The following RASGRF1 variants were observed in gnomAD, a reference collection of about 807,000 sequenced individuals.
RASGRF1 encodes the protein ras-specific guanine nucleotide-releasing factor 1.
Under a neutral mutation model 138.7 loss-of-function variants are expected in RASGRF1, and 40 were observed. The observed-to-expected ratio is 0.29, with a 90% CI of 0.22 to 0.38. RASGRF1 has a LOEUF of 0.38. RASGRF1 is among the 10% of genes least tolerant of loss of function. The pLI, the probability that RASGRF1 is intolerant of heterozygous loss-of-function variation, is 1.00. For missense variants in RASGRF1, 1,108 were observed against 1,650.4 expected (o/e 0.67, Z 5.69); for synonymous variants, 614 against 663.2 (o/e 0.93, Z 1.14).
intron 26 of RASGRF1, among the ~76,000 whole-genome samples, chr15:78,964,221 C>G (rs1417812413): frequency 1.3e-5 from 2 of 151,966 alleles, no homozygotes; most frequent in Non-Finnish European, 2.9e-5. Flanking sequence ...GTCACCCAGG[C>G]TGGAGTACAG....
intron 5 of RASGRF1, among the ~76,000 whole-genome samples, chr15:79,041,204 C>T (rs539644109): frequency 6.6e-6 from 1 of 152,304 alleles, no homozygotes; most frequent in Admixed American, 6.5e-5. Flanking sequence ...TATAGCCACA[C>T]TCATTTGTTT....
intron 1 of RASGRF1, among the ~76,000 whole-genome samples, chr15:79,067,646 T>G (rs1323931229): frequency 1.3e-5 from 2 of 152,194 alleles, no homozygotes; most frequent in Non-Finnish European, 2.9e-5. Context: ...CCCGACTGAC[T>G]TGTAGAAATT....
At chr15:79,005,867 C>T (rs2056660976) in intron 14 of RASGRF1, among the ~76,000 whole-genome samples, 1 of 151,976 alleles carries the variant, frequency 6.6e-6, no homozygotes, top group Non-Finnish European at 1.5e-5. Context: ...CCTTTGGTGA[C>T]GGTGGGACCC....
At chr15:78,979,151 C>T (rs994939396) in intron 24 of RASGRF1, 42 of 1,289,210 alleles carry the variant, frequency 3.3e-5, no homozygotes, top group Non-Finnish European at 3.8e-5. Flanking sequence ...CAGGGGCTCT[C>T]GGGAGCCCAG....
At chr15:78,976,972 G>T (rs1014605699) in intron 24 of RASGRF1, among the ~76,000 whole-genome samples, 1 of 152,230 alleles carries the variant, frequency 6.6e-6, no homozygotes, top group Non-Finnish European at 1.5e-5. Context: ...AGGCCTCGCT[G>T]TCGCACTCCC....
intron 5 of RASGRF1, among the ~76,000 whole-genome samples, chr15:79,041,331 G>T (rs1366234115): frequency 6.6e-6 from 1 of 152,222 alleles, no homozygotes; most frequent in Non-Finnish European, 1.5e-5. Context: ...CAATGCGAAT[G>T]GTGCTCCCAG....
intron 11 of RASGRF1, among the ~76,000 whole-genome samples, chr15:79,018,203 C>T (rs1045448263): frequency 1.4e-4 from 21 of 152,348 alleles, no homozygotes; most frequent in Admixed American, 7.2e-4. Flanking sequence ...GGTGAGGTCA[C>T]GGGCGAGGAC....
At chr15:79,019,323 G>C (rs139593443) in intron 11 of RASGRF1, among the ~76,000 whole-genome samples, 21 of 152,182 alleles carry the variant, frequency 1.4e-4, no homozygotes, top group Admixed American at 5.9e-4. Flanking sequence ...AATCAAGAGA[G>C]AGTAGTGATC....
chr15:78,977,745 C>T lies in RASGRF1; in HGVS notation c.3494+2875G>A, dbSNP rs568979396. Among the ~76,000 whole-genome samples the T allele has an allele frequency of 3.7e-4, 56 of 152,328 alleles. 1 individual carries two copies. The highest frequency in any genetic ancestry group is 1.3e-3 in the African/African-American group (53 of 41,564). ...CAGCCTACAATAACAGCCTGTCCCC[C>T]GTGTTCCTCTAAATCAAGGGCTTCC... is the stretch of plus-strand genomic sequence containing the variant. On this transcript the variant is annotated intron_variant, in intron 24 of 26. Transcript: ENST00000558480.
chr15:79,058,130 A>T (rs1468851897), intron 3 of RASGRF1, among the ~76,000 whole-genome samples: 1 of 152,200 alleles, frequency 6.6e-6, no homozygotes, highest in African/African-American at 2.4e-5. Flanking sequence ...GCAGTCAATA[A>T]GTGACAGAGG....
At position 78,960,393 on chromosome 15, in the gene RASGRF1, T is replaced by C. The variant is rs2055526451; in HGVS notation, c.*1751A>G. 1 of 152,342 alleles carries C rather than the reference T, an allele frequency of 6.6e-6. No individual in the cohort carries two copies. Among genetic ancestry groups the C allele is most frequent in the African/African-American group, 2.4e-5 (1 of 41,426 alleles). 9.4% of individuals were successfully genotyped at this position (152,342 alleles called of 1,614,324 possible). ...ATGGCATCTGGGCAGCCTTGTAGCT[T>C]CTGCCTGAGGCTGCTGGAACAGTCG... On this transcript the variant is annotated 3_prime_UTR_variant, in exon 27 of 27. Coordinates refer to ENST00000558480, the MANE Select transcript of RASGRF1 (RefSeq NM_001145648.3).
intron 20 of RASGRF1, among the ~76,000 whole-genome samples, chr15:78,992,743 G>A (rs1010184758): frequency 1.3e-5 from 2 of 152,270 alleles, no homozygotes; most frequent in South Asian, 2.1e-4. Context: ...ACTTTACCCT[G>A]TCCAGAAGTC....
intron 22 of RASGRF1, among the ~76,000 whole-genome samples, chr15:78,987,907 T>G (rs1406030470): frequency 1.3e-5 from 2 of 152,150 alleles, no homozygotes; most frequent in Non-Finnish European, 2.9e-5. Flanking sequence ...GTACCCCAGC[T>G]TGGCCATGGT....
At chr15:79,077,053 C>G (rs1284524748) in intron 1 of RASGRF1, among the ~76,000 whole-genome samples, 2 of 152,190 alleles carry the variant, frequency 1.3e-5, no homozygotes, top group Non-Finnish European at 2.9e-5. Context: ...TGAAAGCCAT[C>G]CGTGCCTCTT....
intron 24 of RASGRF1, among the ~76,000 whole-genome samples, chr15:78,979,768 C>T (rs1038106909): frequency 1.2e-4 from 19 of 152,218 alleles, no homozygotes; most frequent in African/African-American, 4.1e-4. Context: ...TGCTAGGCCA[C>T]GGCCATGTGG....
chr15:79,054,538 A>C (rs774103643), intron 3 of RASGRF1, among the ~76,000 whole-genome samples: 2 of 152,166 alleles, frequency 1.3e-5, no homozygotes, highest in Non-Finnish European at 2.9e-5. Flanking sequence ...CAGTCACGTG[A>C]CTTGCTTTGT....
chr15:79,049,768 G>A (rs1256291822), intron 3 of RASGRF1, among the ~76,000 whole-genome samples, 180 bp from the exon 4 acceptor site: 5 of 152,144 alleles, frequency 3.3e-5, no homozygotes, highest in Admixed American at 3.3e-4. Context: ...AACCAGACAG[G>A]CCCCAGACAT....
At chr15:78,972,535 T>A (rs1041261393) in intron 25 of RASGRF1, among the ~76,000 whole-genome samples, 3 of 151,804 alleles carry the variant, frequency 2.0e-5, no homozygotes, top group African/African-American at 7.3e-5. Flanking sequence ...CTAACATCAC[T>A]AGAACAAAAC....
chr15:78,991,815 C>T, intron 20 of RASGRF1, 21 bp from the exon 21 acceptor site: 1 of 1,595,688 alleles, frequency 6.3e-7, no homozygotes, highest in South Asian at 1.1e-5. Context: ...GTTGGGGGAG[C>T]AACATTTTGA....
Sources: gnomAD v4.1 joint callset for allele counts (sites outside exome capture counted in the v4.1 genomes callset) on GRCh38, gnomAD v4.1.1 for gene constraint, MANE v1.5 for transcripts, NCBI Gene and HGNC (gene_info 2026-07-23, HGNC 2026-07-21) for gene names.